Variants in SNTB1 observed in about 807,000 individuals in gnomAD.
SNTB1 encodes the protein syntrophin beta 1, also known as beta-1-syntrophin.
A neutral mutation model predicts 48.9 loss-of-function variants in SNTB1; 36 were observed. The ratio of observed to expected loss-of-function variants is 0.74; its 90% CI spans 0.56 to 0.97. SNTB1 has a LOEUF of 0.97. SNTB1 is among the 50% of genes least tolerant of loss of function. The pLI, the probability that SNTB1 is intolerant of heterozygous loss-of-function variation, is 0.00. For synonymous variants in SNTB1, 299 were observed against 294.6 expected (o/e 1.01, Z -0.15); for missense variants, 786 against 703.4 (o/e 1.12, Z -1.33).
intron 1 of SNTB1, among the ~76,000 whole-genome samples, chr8:120,723,044 T>A (rs1048798024): frequency 3.9e-5 from 6 of 152,214 alleles, no homozygotes; most frequent in Non-Finnish European, 7.3e-5. Flanking sequence ...CTTGTTTTTG[T>A]CAGGTTTGTC....
intron 2 of SNTB1, chr8:120,637,921 G>T: frequency 8.9e-6 from 2 of 224,408 alleles, no homozygotes; most frequent in Non-Finnish European, 2.0e-5. Flanking sequence ...ATTTTCTAAA[G>T]CTTCTTTGGC....
intron 3 of SNTB1, among the ~76,000 whole-genome samples, chr8:120,597,639 TA>T (rs1816346819): frequency 6.6e-6 from 1 of 152,260 alleles, no homozygotes; most frequent in African/African-American, 2.4e-5. Context: ...AAGCTCTTAA[TA>T]AGGATATAAG....
At position 120,720,012 on chromosome 8, in the gene SNTB1, C is replaced by T. The variant is rs71514721; in HGVS notation, c.572-26104G>A. ...ACTTCCTTCCAGGATTAGAACACAG[C>T]TTCCAAATTCTCTTAAATGCCTGGG... On this transcript the variant is annotated intron_variant, in intron 1 of 6. Transcript: ENST00000517992. Among the ~76,000 whole-genome samples the T allele has an allele frequency of 8.1e-3, 1,239 of 152,330 alleles. 3 individuals are homozygous for T. Among genetic ancestry groups the T allele is most frequent in the Non-Finnish European group, 0.013 (874 of 68,034 alleles).
intron 1 of SNTB1, among the ~76,000 whole-genome samples, chr8:120,722,866 A>G (rs1393995455): frequency 6.6e-6 from 1 of 152,064 alleles, no homozygotes; most frequent in Admixed American, 6.5e-5. Context: ...TAGAGTTTTT[A>G]TGGTTTTAGG....
intron 1 of SNTB1, chr8:120,768,798 G>A (rs1372126472): frequency 6.6e-6 from 1 of 152,176 alleles, no homozygotes; most frequent in African/African-American, 2.4e-5. Context: ...TGGAGTTTTG[G>A]ATGGTATGGG....
At chr8:120,676,212 C>T (rs902169805) in intron 2 of SNTB1, among the ~76,000 whole-genome samples, 1 of 152,180 alleles carries the variant, frequency 6.6e-6, no homozygotes, top group Non-Finnish European at 1.5e-5. Context: ...ATGAACTCTA[C>T]AATAAATTCT....
In SNTB1 at chr8:120,699,827, T is replaced by C. The variant is rs374452967; in HGVS notation, c.572-5919A>G. On this transcript the variant is annotated intron_variant, in intron 1 of 6. Coordinates refer to ENST00000517992, the MANE Select transcript of SNTB1 (RefSeq NM_021021.4). ...CTGGGGAAAATGAAGAGAATAAATATCTGGAGACAACAGAGGAATTCTCTC... is the reference window on the plus strand; with the variant it reads ...CTGGGGAAAATGAAGAGAATAAATACCTGGAGACAACAGAGGAATTCTCTC... 2.3e-3 allele frequency among the ~76,000 whole-genome samples: 348 copies of C among 152,248 alleles called. 2 individuals are homozygous for C. The highest frequency in any genetic ancestry group is 8.0e-3 in the African/African-American group (332 of 41,544).
chr8:120,706,897 G>A (rs1185148757), intron 1 of SNTB1, among the ~76,000 whole-genome samples: 1 of 152,082 alleles, frequency 6.6e-6, no homozygotes, highest in African/African-American at 2.4e-5. Flanking sequence ...ACCACATTAA[G>A]TAAACTAAAT....
intron 3 of SNTB1, among the ~76,000 whole-genome samples, chr8:120,604,607 T>C (rs932766643): frequency 2.0e-5 from 3 of 152,070 alleles, no homozygotes; most frequent in Non-Finnish European, 2.9e-5. Flanking sequence ...CGCACCACCA[T>C]GCCCAGCTAA....
intron 1 of SNTB1, among the ~76,000 whole-genome samples, chr8:120,781,577 G>A (rs1442741926): frequency 1.3e-5 from 2 of 152,184 alleles, no homozygotes; most frequent in Non-Finnish European, 2.9e-5. Flanking sequence ...TAAGTTAAGT[G>A]GGTGACCCAA....
At chr8:120,798,036 C>T (rs565626180) in intron 1 of SNTB1, among the ~76,000 whole-genome samples, 5 of 151,826 alleles carry the variant, frequency 3.3e-5, no homozygotes, top group African/African-American at 4.8e-5. Context: ...CTACAAAGCA[C>T]GAAAAAAGAG....
At chr8:120,759,859 C>G (rs1819386013) in intron 1 of SNTB1, among the ~76,000 whole-genome samples, 2 of 147,366 alleles carry the variant, frequency 1.4e-5, no homozygotes, top group South Asian at 4.1e-4. Context: ...AGGATCCTCT[C>G]CAGCCCTTGA....
At chr8:120,654,828 A>T (rs1295901818) in intron 2 of SNTB1, 2 of 355,988 alleles carry the variant, frequency 5.6e-6, no homozygotes, top group African/African-American at 4.4e-5. Context: ...CTACTACGAA[A>T]TTAATAAATA....
chr8:120,620,343 T>G (rs1816774777), intron 3 of SNTB1, among the ~76,000 whole-genome samples: 1 of 152,192 alleles, frequency 6.6e-6, no homozygotes. Context: ...AATATCTTTT[T>G]TTTATAGACA....
chr8:120,544,779 C>T (rs1373044571), intron 5 of SNTB1, among the ~76,000 whole-genome samples: 1 of 140,228 alleles, frequency 7.1e-6, no homozygotes, highest in African/African-American at 2.7e-5. Flanking sequence ...TTCCAACTCT[C>T]AAATTCAAAA....
chr8:120,630,039 G>T (rs1318111099), intron 3 of SNTB1, among the ~76,000 whole-genome samples: 1 of 152,184 alleles, frequency 6.6e-6, no homozygotes, highest in Non-Finnish European at 1.5e-5. Flanking sequence ...TTTAAACATA[G>T]CTTGTGATTG....
chr8:120,811,962 G>A lies in SNTB1; in HGVS notation c.-119C>T, dbSNP rs896667236. 2.7e-5 allele frequency: 34 copies of A among 1,273,738 alleles called. No homozygotes were observed. Among genetic ancestry groups the A allele is most frequent in the Non-Finnish European group, 3.3e-5 (34 of 1,015,166 alleles). The allele number at this position is 1,273,738 out of a possible 1,614,324, so 78.9% of individuals were successfully genotyped here. A position where few individuals can be genotyped will look rare whatever the true frequency, so the allele number is the denominator to read the frequency against. ...GGAGAGTGCGTCCCGCGGGGAGGTG[G>A]CGGCACGCGGGACTCCGCTCCGGGA... On this transcript the variant is annotated 5_prime_UTR_variant, in exon 1 of 7. Coordinates refer to ENST00000517992, the MANE Select transcript of SNTB1 (RefSeq NM_021021.4).
chr8:120,540,834 C>A (rs1368353486), intron 6 of SNTB1, among the ~76,000 whole-genome samples: 1 of 152,108 alleles, frequency 6.6e-6, no homozygotes, highest in African/African-American at 2.4e-5. Context: ...CTGGTACTGT[C>A]TTGGTGCCAG....
chr8:120,747,173 T>C (rs1479544364), intron 1 of SNTB1, among the ~76,000 whole-genome samples: 3 of 152,206 alleles, frequency 2.0e-5, no homozygotes, highest in African/African-American at 7.2e-5. Context: ...TGGAATACTA[T>C]GCAGCCATAA....
Sources: allele counts gnomAD v4.1 joint callset (sites outside exome capture counted in the v4.1 genomes callset), GRCh38; gene constraint gnomAD v4.1.1; transcripts MANE v1.5; gene names NCBI Gene and HGNC (gene_info 2026-07-23, HGNC 2026-07-21).